TXNDC9: variants seen among roughly 807,000 people sequenced by gnomAD.
The protein encoded by TXNDC9 is thioredoxin domain-containing protein 9.
TXNDC9 carries 7 observed loss-of-function variants against 23.0 expected under a neutral mutation model. The observed-to-expected ratio is 0.30, with a 90% CI of 0.17 to 0.57. The LOEUF (loss-of-function observed/expected upper bound fraction) is 0.57. TXNDC9 is among the 20% of genes least tolerant of loss of function. The probability of loss-of-function intolerance (pLI) is 0.90; values close to 1 mark genes in which losing one functional copy is unlikely to be tolerated. For missense variants in TXNDC9, 198 were observed against 252.6 expected (o/e 0.78, Z 1.47); for synonymous variants, 72 against 90.6 (o/e 0.79, Z 1.17).
chr2:99,322,387 T>C, intron 3 of TXNDC9, 178 bp from the exon 4 acceptor site: 4 of 1,212,978 alleles, frequency 3.3e-6, no homozygotes. Context: ...GCTGCCTGAT[T>C]ACGAGATGGG....
intron 1 of TXNDC9, among the ~76,000 whole-genome samples, chr2:99,335,690 G>C (rs2094237621): frequency 6.6e-6 from 1 of 152,158 alleles, no homozygotes; most frequent in African/African-American, 2.4e-5. Flanking sequence ...TAAGCACAGA[G>C]AATGCCTACC....
chr2:99,320,248 T>A lies in TXNDC9; in HGVS notation c.564-449A>T, dbSNP rs373244228. 6.6e-5 allele frequency among the ~76,000 whole-genome samples: 10 copies of A among 152,344 alleles called. No homozygotes were observed. In the East Asian group the frequency reaches 1.5e-3, roughly 24 times the overall value. On this transcript the variant is annotated intron_variant, in intron 4 of 4. Coordinates refer to ENST00000264255, the MANE Select transcript of TXNDC9 (RefSeq NM_005783.4). ...GTCTTGAACTCTTAGGCTCAAGCAA[T>A]CCTCCTGCTTTGGCATCCCAAAGTG... is the stretch of plus-strand genomic sequence containing the variant.
At chr2:99,334,862 C>T (rs1473396465) in intron 1 of TXNDC9, among the ~76,000 whole-genome samples, 1 of 152,238 alleles carries the variant, frequency 6.6e-6, no homozygotes, top group Non-Finnish European at 1.5e-5. Flanking sequence ...CAGGCGCCCG[C>T]CACCACGCCC....
intron 2 of TXNDC9, among the ~76,000 whole-genome samples, chr2:99,329,270 C>A (rs1029605537): frequency 1.3e-5 from 2 of 152,188 alleles, no homozygotes; most frequent in Non-Finnish European, 2.9e-5. Flanking sequence ...CTAAGTTTTC[C>A]CTTCTCCACA....
At chr2:99,314,580 G>A (rs1293574072), downstream of TXNDC9, among the ~76,000 whole-genome samples, 1 of 118,608 alleles carries the variant, frequency 8.4e-6, no homozygotes, top group Non-Finnish European at 1.6e-5. Flanking sequence ...ACCCAGGCTG[G>A]AGTGCAGTGG....
chr2:99,322,787 C>T (rs952339052), intron 3 of TXNDC9: 3 of 1,235,068 alleles, frequency 2.4e-6, no homozygotes, highest in Non-Finnish European at 3.1e-6. Context: ...TTGGAGGTGG[C>T]GTATTGCCCT....
At chr2:99,306,630 T>C in the TXNDC9 span, 1 of 327,520 alleles carries the variant, frequency 3.1e-6, no homozygotes, top group African/African-American at 2.2e-5. Context: ...CTTATTGATG[T>C]AGACATTTGG....
At position 99,319,381 on chromosome 2, in the gene TXNDC9, C is replaced by A; in HGVS notation, c.*301G>T. On this transcript the variant is annotated 3_prime_UTR_variant, in exon 5 of 5. Transcript: ENST00000264255. ...TGGAATAGTTTTCGAATTTCTAACTCTGTAGATCTAAAACACAATTGTAAA... is the reference window on the plus strand; with the variant it reads ...TGGAATAGTTTTCGAATTTCTAACTATGTAGATCTAAAACACAATTGTAAA... The A allele has an allele frequency of 4.9e-6, 1 of 204,044 alleles. No homozygotes were observed. Among genetic ancestry groups the A allele is most frequent in the Non-Finnish European group, 9.7e-6 (1 of 103,528 alleles). The allele number at this position is 204,044 out of a possible 1,614,324, so 12.6% of individuals were successfully genotyped here.
chr2:99,332,808 T>A (rs775844229), intron 2 of TXNDC9: 2 of 487,902 alleles, frequency 4.1e-6, no homozygotes, highest in Non-Finnish European at 7.2e-6. Context: ...AGATCTTTCT[T>A]TTACTCGACT....
chr2:99,322,720 A>T, intron 3 of TXNDC9: 2 of 1,426,614 alleles, frequency 1.4e-6, no homozygotes, highest in Non-Finnish European at 1.8e-6. Flanking sequence ...AAATGTGGCC[A>T]TTATGCTTCT....
chr2:99,327,679 A>G, intron 2 of TXNDC9, 26 bp from the exon 3 acceptor site: 1 of 1,427,844 alleles, frequency 7.0e-7, no homozygotes, highest in South Asian at 1.2e-5. Context: ...GCAAAACATT[A>G]CACATGTGAG....
In TXNDC9 at chr2:99,327,165, T is replaced by C. The variant is rs546046369; in HGVS notation, c.308+370A>G. On this transcript the variant is annotated intron_variant, in intron 3 of 4. Transcript: ENST00000264255. ...TCCGCTCACTGCAACCTCTGTCTCC[T>C]GGGTTCAAGCAATTCTCCCACCTCA... 5.8e-3 allele frequency among the ~76,000 whole-genome samples: 880 copies of C among 152,260 alleles called. 6 individuals are homozygous for C. Among genetic ancestry groups the C allele is most frequent in the South Asian group, 0.01 (50 of 4,810 alleles).
chr2:99,309,627 A>G, the TXNDC9 span, among the ~76,000 whole-genome samples: 1 of 152,150 alleles, frequency 6.6e-6, no homozygotes, highest in East Asian at 1.9e-4. Flanking sequence ...TGAGGTCAGG[A>G]GTTCGAGACC....
the TXNDC9 span, among the ~76,000 whole-genome samples, chr2:99,311,454 A>C: frequency 2.0e-5 from 3 of 151,978 alleles, no homozygotes; most frequent in African/African-American, 7.3e-5. Context: ...TGCCCGGTTA[A>C]TTTTTAAATA....
downstream of TXNDC9, among the ~76,000 whole-genome samples, chr2:99,314,529 C>CTTTTTTTT (rs55729391): frequency 0.22 from 21,781 of 96,958 alleles, 4,086 homozygotes; most frequent in Admixed American, 0.27. Context: ...AATACTACAC[C>CTTTTTTTT]TTTTTTTTTT....
the TXNDC9 span, among the ~76,000 whole-genome samples, chr2:99,307,869 G>A: frequency 8.9e-4 from 135 of 151,090 alleles, 1 homozygote; most frequent in South Asian, 3.6e-3. Context: ...TTTGCCAGAC[G>A]GTAAATCCCT....
intron 2 of TXNDC9, among the ~76,000 whole-genome samples, chr2:99,328,091 T>G (rs1421184601): frequency 6.6e-6 from 1 of 151,302 alleles, no homozygotes; most frequent in African/African-American, 2.4e-5. Context: ...CCCAAAAGTG[T>G]TATTTATTTA....
intron 1 of TXNDC9, among the ~76,000 whole-genome samples, chr2:99,334,310 C>T (rs2094233420): frequency 6.6e-6 from 1 of 152,170 alleles, no homozygotes; most frequent in African/African-American, 2.4e-5. Context: ...GCTGAGAACG[C>T]ACCACTTGCA....
chr2:99,333,303 T>G, intron 1 of TXNDC9, 61 bp from the exon 2 acceptor site: 13 of 1,416,702 alleles, frequency 9.2e-6, no homozygotes, highest in Non-Finnish European at 1.1e-5. Flanking sequence ...AGGTTTTCTC[T>G]ACCATTTTCA....
Sources: allele counts gnomAD v4.1 joint callset (sites outside exome capture counted in the v4.1 genomes callset), GRCh38; gene constraint gnomAD v4.1.1; transcripts MANE v1.5; gene names NCBI Gene and HGNC (gene_info 2026-07-23, HGNC 2026-07-21).